The following ATP13A5 variants were observed in gnomAD, a reference collection of about 807,000 sequenced individuals.
The protein encoded by ATP13A5 is probable cation-transporting ATPase 13A5.
Under a neutral mutation model 150.2 loss-of-function variants are expected in ATP13A5, and 149 were observed. That is an observed-to-expected ratio of 0.99 (90% confidence interval 0.87 to 1.14). ATP13A5 has a LOEUF of 1.14. Ranked by LOEUF, ATP13A5 falls within the 50% of genes most tolerant of loss-of-function variation. The pLI, the probability that ATP13A5 is intolerant of heterozygous loss-of-function variation, is 0.00. For synonymous variants in ATP13A5, 497 were observed against 522.2 expected (o/e 0.95, Z 0.66); for missense variants, 1,383 against 1,449.3 (o/e 0.95, Z 0.74).
chr3:193,292,636 A>C (rs898888328), intron 25 of ATP13A5, among the ~76,000 whole-genome samples: 1 of 152,162 alleles, frequency 6.6e-6, no homozygotes, highest in Admixed American at 6.5e-5. Flanking sequence ...AAAAATGTGG[A>C]GTAGACCTGA....
At chr3:193,288,661 C>G (rs1577326387) in intron 26 of ATP13A5, among the ~76,000 whole-genome samples, 1 of 152,102 alleles carries the variant, frequency 6.6e-6, no homozygotes, top group Non-Finnish European at 1.5e-5. Flanking sequence ...GCAATATTCA[C>G]TTTATCGTGG....
rs550420095 is a variant in ATP13A5, at chr3:193,296,707, C to A, written c.2848+2424G>T. Among the ~76,000 whole-genome samples the A allele has an allele frequency of 1.3e-4, 19 of 151,918 alleles. No homozygotes were observed. In the South Asian group the frequency reaches 2.1e-3, roughly 17 times the overall value. On this transcript the variant is annotated intron_variant, in intron 25 of 29. Transcript: ENST00000342358. ...TTTCATATGAATTTTAAAATAGTTT[C>A]TTCTAATTCTGTGAAGAATATTAAT...
At chr3:193,297,150 A>G (rs1194717851) in intron 25 of ATP13A5, among the ~76,000 whole-genome samples, 1 of 152,052 alleles carries the variant, frequency 6.6e-6, no homozygotes. Flanking sequence ...CACAAAAATC[A>G]TAAAAATAAG....
Position 193,339,337 on chromosome 3 carries a change from C to T in ATP13A5, c.944-4238G>A, listed in dbSNP as rs191585359. On this transcript the variant is annotated intron_variant, in intron 9 of 29. Transcript: ENST00000342358. ...TTTAATTGTGATGTTAGGGTGTCAACTTTAGATCTTTCCTGCTTTCTTTTG... is the reference window on the plus strand; with the variant it reads ...TTTAATTGTGATGTTAGGGTGTCAATTTTAGATCTTTCCTGCTTTCTTTTG... Among the ~76,000 whole-genome samples, 1,156 of 152,114 alleles carry T rather than the reference C, an allele frequency of 7.6e-3. 13 individuals carry two copies. The highest frequency in any genetic ancestry group is 0.026 in the African/African-American group (1,086 of 41,522).
intron 21 of ATP13A5, among the ~76,000 whole-genome samples, chr3:193,308,461 A>G (rs1416093105): frequency 6.6e-6 from 1 of 152,206 alleles, no homozygotes; most frequent in South Asian, 2.1e-4. Context: ...TCTGTCTCAA[A>G]AACAAAAAAA....
intron 9 of ATP13A5, among the ~76,000 whole-genome samples, chr3:193,338,194 T>G (rs1325532735): frequency 6.6e-6 from 1 of 152,206 alleles, no homozygotes; most frequent in Admixed American, 6.5e-5. Flanking sequence ...ACAATTTTAC[T>G]TCCTCTTTTT....
At chr3:193,356,718 T>C (rs1271577988) in intron 5 of ATP13A5, among the ~76,000 whole-genome samples, 1 of 152,254 alleles carries the variant, frequency 6.6e-6, no homozygotes, top group Admixed American at 6.5e-5. Flanking sequence ...CTTTCTTTTC[T>C]TAGCAACAGC....
At chr3:193,301,627 G>A (rs1225843390) in intron 23 of ATP13A5, among the ~76,000 whole-genome samples, 2 of 152,200 alleles carry the variant, frequency 1.3e-5, no homozygotes, top group Admixed American at 1.3e-4. Flanking sequence ...AGATTACTAT[G>A]TGTATTATAA....
intron 9 of ATP13A5, among the ~76,000 whole-genome samples, chr3:193,342,194 ATT>A (rs1305285359): frequency 6.6e-6 from 1 of 152,198 alleles, no homozygotes; most frequent in Non-Finnish European, 1.5e-5. Flanking sequence ...AATATTTGAT[ATT>A]TTTATTCTTA....
In ATP13A5 at chr3:193,362,373, A is replaced by C; in HGVS notation, c.536+8T>G. 6.2e-7 allele frequency: 1 copy of C among 1,612,610 alleles called. No individual in the cohort carries two copies. On this transcript the variant is annotated splice_region_variant and intron_variant, in intron 5 of 29. Transcript: ENST00000342358. ...GAGTTTACTCTTAAGGCATATAATAAGTCCTACCTGACCTCTTGCTCTTCA... is the reference window on the plus strand; with the variant it reads ...GAGTTTACTCTTAAGGCATATAATACGTCCTACCTGACCTCTTGCTCTTCA...
chr3:193,353,863 C>T (rs1712665971), intron 6 of ATP13A5, among the ~76,000 whole-genome samples: 2 of 151,538 alleles, frequency 1.3e-5, no homozygotes, highest in African/African-American at 4.9e-5. Flanking sequence ...GGACTAACCA[C>T]CCCACCACCA....
rs1281543128 is a variant in ATP13A5, at chr3:193,299,141, G to C, written c.2838C>G (p.Val946=). Residue 946 remains valine, a synonymous_variant, in exon 25 of 30, where the codon GTC becomes GTG. Coordinates refer to ENST00000342358, the MANE Select transcript of ATP13A5 (RefSeq NM_198505.4). ...TGCTAAAGAGCTTACTTGTTAAACAGACCATCAAAGTAATGGCTACATCTT... is the reference window on the plus strand; with the variant it reads ...TGCTAAAGAGCTTACTTGTTAAACACACCATCAAAGTAATGGCTACATCTT... ...LMQDVAITLM[V]CLTMSSTHAY... is the part of the protein sequence containing the mutation. 6 of 1,606,092 alleles carry C rather than the reference G, an allele frequency of 3.7e-6. No homozygotes were observed. The highest frequency in any genetic ancestry group is 5.1e-6 in the Non-Finnish European group (6 of 1,176,018).
At chr3:193,360,041 T>C (rs1398544637) in intron 5 of ATP13A5, among the ~76,000 whole-genome samples, 5 of 152,248 alleles carry the variant, frequency 3.3e-5, no homozygotes, top group Non-Finnish European at 5.9e-5. Context: ...TTTATTTTTA[T>C]TTTTCCCTTA....
chr3:193,322,098 C>T (rs1201658368), intron 15 of ATP13A5, among the ~76,000 whole-genome samples: 1 of 152,150 alleles, frequency 6.6e-6, no homozygotes, highest in East Asian at 1.9e-4. Context: ...CTCTGCAGTG[C>T]TTTTATCTCC....
At position 193,289,936 on chromosome 3, in the gene ATP13A5, G is replaced by A. The variant is rs1389497257; in HGVS notation, c.2972C>T (p.Ala991Val). ...AGGCTGCTGCTTCACATAGAGAAAT[G>A]CACTGATCTGCACAATGCAGGAGAA... ...SCFSCIVQIS[A>V]FLYVKQQPWY... The change falls in exon 26 of 30, where the codon GCA becomes GTA. Residue 991 changes from alanine to valine, a missense_variant. This residue lies in a region of ATP13A5 where 568 missense variants were observed against 621.5 expected (regional missense o/e 0.91). Coordinates refer to ENST00000342358, the MANE Select transcript of ATP13A5 (RefSeq NM_198505.4). The A allele has an allele frequency of 1.2e-6, 2 of 1,612,324 alleles. No homozygotes were observed. Among genetic ancestry groups the A allele is most frequent in the Non-Finnish European group, 1.7e-6 (2 of 1,179,084 alleles).
chr3:193,314,451 A>G, intron 18 of ATP13A5: 1 of 415,566 alleles, frequency 2.4e-6, no homozygotes. Context: ...ATACTTAAGC[A>G]TTTATGACCA....
chr3:193,338,607 T>A (rs1166288681), intron 9 of ATP13A5, among the ~76,000 whole-genome samples: 1 of 152,164 alleles, frequency 6.6e-6, no homozygotes, highest in Non-Finnish European at 1.5e-5. Flanking sequence ...TGGATAAGCT[T>A]TTTGATGTGC....
intron 29 of ATP13A5, 148 bp from the exon 30 acceptor site, chr3:193,275,450 G>A: frequency 2.2e-6 from 2 of 917,168 alleles, no homozygotes; most frequent in Non-Finnish European, 3.2e-6. Flanking sequence ...CCCAAGTTCT[G>A]GAATTCTGCC....
chr3:193,343,155 T>C (rs1028233903), intron 9 of ATP13A5, among the ~76,000 whole-genome samples: 20 of 152,168 alleles, frequency 1.3e-4, no homozygotes, highest in African/African-American at 4.3e-4. Context: ...TTTATACCAT[T>C]TGGAAACAGA....
Sources: allele counts gnomAD v4.1 joint callset (sites outside exome capture counted in the v4.1 genomes callset), GRCh38; gene constraint gnomAD v4.1.1; regional missense constraint gnomAD v4.1.1; transcripts MANE v1.5; gene names NCBI Gene and HGNC (gene_info 2026-07-23, HGNC 2026-07-21).